Variants in HADH observed in about 807,000 individuals in gnomAD.
The protein encoded by HADH is hydroxyacyl-CoA dehydrogenase, also known as hydroxyacyl-coenzyme A dehydrogenase, mitochondrial.
A neutral mutation model predicts 32.2 loss-of-function variants in HADH; 24 were observed. The ratio of observed to expected loss-of-function variants is 0.75; its 90% CI spans 0.54 to 1.05. The LOEUF (loss-of-function observed/expected upper bound fraction) is 1.05, where lower values mean the gene tolerates loss of function less well. Among genes scored for constraint, HADH ranks in the 50% least tolerant of loss-of-function variants. HADH has a pLI of 0.00. For synonymous variants in HADH, 139 were observed against 152.5 expected (o/e 0.91, Z 0.65); for missense variants, 350 against 397.1 (o/e 0.88, Z 1.01).
chr4:108,009,972 T>TA, intron 2 of HADH, 85 bp downstream of exon 2: 1 of 864,824 alleles, frequency 1.2e-6, no homozygotes, highest in Non-Finnish European at 1.8e-6. Context: ...TGGCTTTCTT[T>TA]CTTTCTTTTT....
chr4:108,012,987 C>T (rs1735551266), intron 2 of HADH, among the ~76,000 whole-genome samples: 1 of 152,198 alleles, frequency 6.6e-6, no homozygotes, highest in Non-Finnish European at 1.5e-5. Flanking sequence ...GGCTGGAGTG[C>T]AGTTGCGCGA....
chr4:108,006,090 TA>T (rs1205573869), intron 1 of HADH, among the ~76,000 whole-genome samples: 1 of 152,194 alleles, frequency 6.6e-6, no homozygotes, highest in Non-Finnish European at 1.5e-5. Context: ...AGAAAGGAAT[TA>T]AGCAAGCTTT....
intron 1 of HADH, among the ~76,000 whole-genome samples, chr4:107,993,906 G>GT (rs11423497): frequency 0.25 from 37,253 of 152,020 alleles, 7,134 homozygotes; most frequent in African/African-American, 0.54. Flanking sequence ...GGGACAGGTT[G>GT]TTTTTTTGCT....
chr4:107,994,926 T>C (rs1353442885), intron 1 of HADH, among the ~76,000 whole-genome samples: 2 of 152,182 alleles, frequency 1.3e-5, no homozygotes, highest in East Asian at 1.9e-4. Flanking sequence ...CTATGGGATA[T>C]GTTTGGACAT....
At chr4:107,990,727 C>T (rs1212742672) in intron 1 of HADH, among the ~76,000 whole-genome samples, 2 of 145,450 alleles carry the variant, frequency 1.4e-5, no homozygotes, top group Non-Finnish European at 3.0e-5. Flanking sequence ...GGCGCTGCAG[C>T]GGAATAAGTC....
At chr4:108,001,087 T>C (rs1735107961) in intron 1 of HADH, among the ~76,000 whole-genome samples, 1 of 152,218 alleles carries the variant, frequency 6.6e-6, no homozygotes, top group African/African-American at 2.4e-5. Context: ...GTACATTCAT[T>C]TGGAAAAAGG....
intron 2 of HADH, 25 bp downstream of exon 2, chr4:108,009,912 C>T (rs1229504555): frequency 6.6e-7 from 1 of 1,521,290 alleles, no homozygotes; most frequent in Admixed American, 1.7e-5. Context: ...TCGATGTCTT[C>T]AAGACAAGTC....
At chr4:107,992,495 G>C (rs914152783) in intron 1 of HADH, among the ~76,000 whole-genome samples, 3 of 152,158 alleles carry the variant, frequency 2.0e-5, no homozygotes, top group Non-Finnish European at 2.9e-5. Context: ...TTTGGCATAG[G>C]GTAAATCTGT....
intron 6 of HADH, 46 bp downstream of exon 6, chr4:108,027,806 C>A: frequency 1.8e-6 from 2 of 1,106,836 alleles, no homozygotes; most frequent in Non-Finnish European, 2.8e-6. Context: ...CAGCTCCTGG[C>A]GCCACTGTCT....
rs150433967 is a variant in HADH, at chr4:108,008,815, C to G, written c.133-944C>G. Among the ~76,000 whole-genome samples, 783 of 152,262 alleles carry G rather than the reference C, an allele frequency of 5.1e-3. 6 individuals are homozygous for G. The highest frequency in any genetic ancestry group is 0.018 in the African/African-American group (740 of 41,542). ...GTCATGCCTGTCCTCTTGCTTCTGG[C>G]CTGAACTAATTCACTTACACGTGCC... On this transcript the variant is annotated intron_variant, in intron 1 of 7. Coordinates refer to ENST00000309522, the MANE Select transcript of HADH (RefSeq NM_005327.7).
At position 107,993,676 on chromosome 4, in the gene HADH, T is replaced by A. The variant is rs188291777; in HGVS notation, c.132+3612T>A. On this transcript the variant is annotated intron_variant, in intron 1 of 7. Coordinates refer to ENST00000309522, the MANE Select transcript of HADH (RefSeq NM_005327.7). The stretch of plus-strand genomic sequence containing the variant: ...GATCAGAGCACAGGCCATTTGTACA[T>A]GTGTATTTTCCGAGAGTATCTACTT... Among the ~76,000 whole-genome samples, 189 of 152,338 alleles carry A rather than the reference T, an allele frequency of 1.2e-3. 1 individual carries two copies. Among genetic ancestry groups the A allele is most frequent in the African/African-American group, 4.3e-3 (178 of 41,570 alleles).
chr4:107,998,063 TC>T (rs1444531091), intron 1 of HADH, among the ~76,000 whole-genome samples: 4 of 152,152 alleles, frequency 2.6e-5, no homozygotes, highest in Non-Finnish European at 4.4e-5. Context: ...CAGTCAACAT[TC>T]CCTGAGGGCC....
At chr4:107,998,580 T>G (rs1347630350) in intron 1 of HADH, among the ~76,000 whole-genome samples, 1 of 152,064 alleles carries the variant, frequency 6.6e-6, no homozygotes, top group Non-Finnish European at 1.5e-5. Context: ...GCCCGGCTGA[T>G]TTTTAGGCTT....
chr4:108,014,011 G>C (rs1291420036), intron 2 of HADH, among the ~76,000 whole-genome samples: 2 of 152,134 alleles, frequency 1.3e-5, no homozygotes, highest in East Asian at 3.8e-4. Flanking sequence ...TCCTTATTGA[G>C]GTCTGTGGAA....
At chr4:108,002,744 A>T (rs753281224) in intron 1 of HADH, among the ~76,000 whole-genome samples, 9 of 152,170 alleles carry the variant, frequency 5.9e-5, no homozygotes, top group Non-Finnish European at 1.2e-4. Flanking sequence ...GACACTGAAC[A>T]TGCTGATGAT....
intron 1 of HADH, among the ~76,000 whole-genome samples, chr4:108,001,752 G>A (rs1735125525): frequency 6.6e-6 from 1 of 152,172 alleles, no homozygotes; most frequent in African/African-American, 2.4e-5. Context: ...CTCCCAGACA[G>A]GACAATTCAA....
At chr4:108,027,206 T>C in intron 5 of HADH, 1 of 207,560 alleles carries the variant, frequency 4.8e-6, no homozygotes. Flanking sequence ...TTTTGTCGAT[T>C]CTTGAAAGGG....
chr4:107,995,549 T>TAATCTC (rs11280758), intron 1 of HADH, among the ~76,000 whole-genome samples: 36,976 of 151,860 alleles, frequency 0.24, 6,984 homozygotes, highest in African/African-American at 0.53. Context: ...TTGAGAAAGA[T>TAATCTC]AGTGTACCAT....
intron 1 of HADH, chr4:108,004,311 T>G (rs1238115812): frequency 1.2e-5 from 3 of 245,314 alleles, no homozygotes; most frequent in African/African-American, 2.3e-5. Context: ...AAGTGGTAGT[T>G]TTGGTCCATC....
Sources: gnomAD v4.1 joint callset for allele counts (sites outside exome capture counted in the v4.1 genomes callset) on GRCh38, gnomAD v4.1.1 for gene constraint, MANE v1.5 for transcripts, NCBI Gene and HGNC (gene_info 2026-07-23, HGNC 2026-07-21) for gene names.